Variants in KANSL1 observed in about 807,000 individuals in gnomAD.
KANSL1 encodes MLL1/MLL complex subunit KANSL1.
In KANSL1, 22 loss-of-function variants were observed where a neutral mutation model predicts 103.6. That is an observed-to-expected ratio of 0.21 (90% confidence interval 0.15 to 0.30). The LOEUF (loss-of-function observed/expected upper bound fraction) is 0.30. Among genes scored for constraint, KANSL1 ranks in the 10% least tolerant of loss-of-function variants. The pLI, the probability that KANSL1 is intolerant of heterozygous loss-of-function variation, is 1.00. For synonymous variants in KANSL1, 600 were observed against 527.6 expected, an observed-to-expected ratio of 1.14 and a Z score of -1.88; for missense variants, 1,337 against 1,399.8, an observed-to-expected ratio of 0.96 and a Z score of 0.72.
At chr17:46,094,495 A>T in intron 3 of KANSL1, 65 bp downstream of exon 3, 1 of 1,545,292 alleles carries the variant, frequency 6.5e-7, no homozygotes, top group East Asian at 2.3e-5. Context: ...GTGGGAGGGG[A>T]TGTGAGAAAA....
At chr17:46,206,556 A>G (rs2047976301) in intron 1 of KANSL1, among the ~76,000 whole-genome samples, 1 of 152,238 alleles carries the variant, frequency 6.6e-6, no homozygotes, top group South Asian at 2.1e-4. Context: ...CAAGACCCCC[A>G]TCTCTACAAG....
At chr17:46,116,205 A>G (rs2043038627) in intron 2 of KANSL1, among the ~76,000 whole-genome samples, 1 of 152,212 alleles carries the variant, frequency 6.6e-6, no homozygotes, top group African/African-American at 2.4e-5. Context: ...TCAGCACGTA[A>G]AGTCCTCAAA....
At chr17:46,130,389 T>G in intron 2 of KANSL1, among the ~76,000 whole-genome samples, 1 of 152,136 alleles carries the variant, frequency 6.6e-6, no homozygotes, top group African/African-American at 2.4e-5. Context: ...AAGTAGAGGA[T>G]TTAAATAAAA....
intron 2 of KANSL1, among the ~76,000 whole-genome samples, chr17:46,148,641 T>C (rs2044874842): frequency 6.6e-6 from 1 of 151,500 alleles, no homozygotes; most frequent in Non-Finnish European, 1.5e-5. Flanking sequence ...GGCTGAAGTA[T>C]AGTGGCACAA....
At chr17:46,198,497 C>T (rs1280120373), upstream of KANSL1, among the ~76,000 whole-genome samples, 1 of 149,574 alleles carries the variant, frequency 6.7e-6, no homozygotes, top group East Asian at 2.0e-4. Context: ...TTTGGGAGAC[C>T]GAAGCAAGTG....
chr17:46,171,625 G>C lies in KANSL1; in HGVS notation c.519C>G (p.Ser173=). Residue 173 remains serine, a synonymous_variant, in exon 2 of 15, where the codon TCC becomes TCG. Coordinates refer to ENST00000432791, the MANE Select transcript of KANSL1 (RefSeq NM_015443.4). ...CCCGTTTTCCCCCATTGAGGGAAGTGGAATTGTCATGATCAGAATGTGTTG... is the reference window on the plus strand; with the variant it reads ...CCCGTTTTCCCCCATTGAGGGAAGTCGAATTGTCATGATCAGAATGTGTTG... ...KSSTHSDHDN[S]TSLNGGKRAL... 1 of 1,571,632 alleles carries C rather than the reference G, an allele frequency of 6.4e-7. No individual in the cohort carries two copies. The highest frequency in any genetic ancestry group is 8.6e-7 in the Non-Finnish European group (1 of 1,162,942).
chr17:46,132,127 CA>C (rs1012201077), intron 2 of KANSL1, among the ~76,000 whole-genome samples: 95 of 141,666 alleles, frequency 6.7e-4, no homozygotes, highest in Non-Finnish European at 5.2e-4. Flanking sequence ...AACTCCATCT[CA>C]AAAAAAAAAA....
chr17:46,137,736 G>A (rs542956448), intron 2 of KANSL1, among the ~76,000 whole-genome samples: 4 of 152,088 alleles, frequency 2.6e-5, no homozygotes, highest in East Asian at 1.9e-4. Flanking sequence ...GCGTGGTGGC[G>A]GGCGCCTGTA....
Position 46,039,848 on chromosome 17 carries a change from T to G in KANSL1, c.2057A>C (p.Lys686Thr), listed in dbSNP as rs2077261500. Residue 686 changes from lysine (K) to threonine (T), a missense_variant, in exon 8 of 15, where the codon AAA (lysine) becomes ACA (threonine). Transcript: ENST00000432791. ...AAAAGGCTTGTTCTGCCACTGAGAT[T>G]TCAGCATGCTCTGGAAATGCAGGCT... Reference protein sequence around the residue: ...PTSLHFQSMLKSQWQNKPFDK... With the variant: ...PTSLHFQSMLTSQWQNKPFDK... The G allele has an allele frequency of 6.2e-7, 1 of 1,614,198 alleles. No individual in the cohort carries two copies. The highest frequency in any genetic ancestry group is 8.5e-7 in the Non-Finnish European group (1 of 1,180,030).
chr17:46,091,323 G>A (rs1598596083), intron 3 of KANSL1, among the ~76,000 whole-genome samples: 2 of 152,124 alleles, frequency 1.3e-5, no homozygotes, highest in East Asian at 1.9e-4. Context: ...TTGTGTTTTA[G>A]GCTAAGTGTT....
In KANSL1 at chr17:46,031,510, G is replaced by A; in HGVS notation, c.3284C>T (p.Ala1095Val). 1 of 1,613,380 alleles carries A rather than the reference G, an allele frequency of 6.2e-7. No homozygotes were observed. ...AGTCGGGCGCTGAGCTGTGGCTGCT[G>A]CCACCAGATGCCGACTCTTGAGGGG... ...IVPLKSRHLV[A>V]AATAQRPTHR The change falls in exon 15 of 15, where the codon GCA becomes GTA. Residue 1095 changes from alanine to valine, a missense_variant. Transcript: ENST00000432791.
chr17:46,180,697 C>CAA (rs753781137), intron 1 of KANSL1, among the ~76,000 whole-genome samples: 1 of 151,686 alleles, frequency 6.6e-6, no homozygotes, highest in Non-Finnish European at 1.5e-5. Context: ...AAAACAAAAA[C>CAA]AAACAAACAA....
At chr17:46,104,820 T>C (rs1195202807) in intron 2 of KANSL1, among the ~76,000 whole-genome samples, 1 of 152,204 alleles carries the variant, frequency 6.6e-6, no homozygotes, top group African/African-American at 2.4e-5. Context: ...CTGTGTCTTT[T>C]TTCTTTTTTT....
At chr17:46,032,344 C>T in intron 13 of KANSL1, 45 bp from the exon 14 acceptor site, 2 of 1,483,872 alleles carry the variant, frequency 1.3e-6, no homozygotes, top group South Asian at 1.4e-5. Flanking sequence ...GAAATGTTTA[C>T]TTATGGGGGT....
chr17:46,174,593 T>C (rs1453615780), intron 1 of KANSL1, among the ~76,000 whole-genome samples: 1 of 152,266 alleles, frequency 6.6e-6, no homozygotes, highest in Non-Finnish European at 1.5e-5. Context: ...AAGATCTGCA[T>C]AACCCAGTGA....
intron 2 of KANSL1, among the ~76,000 whole-genome samples, chr17:46,146,558 G>A (rs1451876346): frequency 8.9e-6 from 1 of 112,476 alleles, no homozygotes; most frequent in Admixed American, 9.7e-5. Flanking sequence ...TTGAGGCCGG[G>A]CGCGGTGGCT....
rs768459529 is a variant in KANSL1, at chr17:46,034,186, G to T, written c.2641C>A (p.Gln881Lys). 2 of 1,614,066 alleles carry T rather than the reference G, an allele frequency of 1.2e-6. No homozygotes were observed. Among genetic ancestry groups the T allele is most frequent in the Non-Finnish European group, 1.7e-6 (2 of 1,179,940 alleles). The change falls in exon 11 of 15, where the codon CAA (glutamine) becomes AAA (lysine). Residue 881 changes from glutamine (Q) to lysine (K), a missense_variant. By Grantham distance (53) the Gln-to-Lys change is moderately conservative. Coordinates refer to ENST00000432791, the MANE Select transcript of KANSL1 (RefSeq NM_015443.4). ...CTGGGCGTAAGGATTTCCTTGTATT[G>T]CAGTTTCTCTACGCGAGTTGTTGCA... Reference protein sequence around the residue: ...VAATTRVEKLQYKEILTPSWR... With the variant: ...VAATTRVEKLKYKEILTPSWR...
intron 13 of KANSL1, 108 bp downstream of exon 13, chr17:46,032,972 A>T: frequency 1.2e-6 from 1 of 803,540 alleles, no homozygotes; most frequent in Non-Finnish European, 1.9e-6. Context: ...GTAGATGAGT[A>T]TGATGAGCAA....
intron 4 of KANSL1, among the ~76,000 whole-genome samples, chr17:46,078,611 C>A (rs1295401991): frequency 6.6e-6 from 1 of 152,220 alleles, no homozygotes; most frequent in Non-Finnish European, 1.5e-5. Context: ...CTCTGGGGCA[C>A]ATGGACTGAG....
Sources: allele counts gnomAD v4.1 joint callset (sites outside exome capture counted in the v4.1 genomes callset), GRCh38; gene constraint gnomAD v4.1.1; transcripts MANE v1.5; gene names NCBI Gene and HGNC (gene_info 2026-07-23, HGNC 2026-07-21).